The following LMTK3 variants were observed in gnomAD, a reference collection of about 807,000 sequenced individuals.
LMTK3 encodes the protein lemur tail kinase 3.
Under a neutral mutation model 116.7 loss-of-function variants are expected in LMTK3, and 27 were observed. That is an observed-to-expected ratio of 0.23 (90% confidence interval 0.17 to 0.32). The LOEUF (loss-of-function observed/expected upper bound fraction) is 0.32. Ranked by LOEUF, LMTK3 falls within the 10% of genes least tolerant of loss-of-function variation. LMTK3 has a pLI of 1.00. For missense variants in LMTK3, 1,764 were observed against 2,068.5 expected (o/e 0.85, Z 2.86); for synonymous variants, 965 against 971.0 (o/e 0.99, Z 0.11).
At chr19:48,495,482 A>C (rs1972308272) in intron 11 of LMTK3, among the ~76,000 whole-genome samples, 1 of 152,194 alleles carries the variant, frequency 6.6e-6, no homozygotes, top group Non-Finnish European at 1.5e-5. Flanking sequence ...ATCCTAATCC[A>C]ACCCAGATCC....
intron 14 of LMTK3, among the ~76,000 whole-genome samples, chr19:48,490,635 G>T (rs1482025256): frequency 6.6e-6 from 1 of 151,918 alleles, no homozygotes; most frequent in Non-Finnish European, 1.5e-5. Flanking sequence ...GGGTCCACGC[G>T]AGAGCAGCGG....
At chr19:48,513,144 C>A, upstream of LMTK3, 1 of 1,601,098 alleles carries the variant, frequency 6.2e-7, no homozygotes, top group South Asian at 1.1e-5. The surrounding 1 kb of genome is among the most constrained non-coding windows in gnomAD (Gnocchi z 5.6). Flanking sequence ...ACCCACGTTT[C>A]CCGTGCGGTT....
upstream of LMTK3, chr19:48,513,255 G>A (rs1488659189): frequency 2.5e-5 from 30 of 1,223,002 alleles, 1 homozygote; most frequent in South Asian, 2.1e-4. The surrounding 1 kb of genome is among the most constrained non-coding windows in gnomAD (Gnocchi z 5.6). Flanking sequence ...TCTGTGCCAG[G>A]TATCGTCCGC....
rs1972414229 is a variant in LMTK3, at chr19:48,499,352, G to A, written c.1717C>T (p.Pro573Ser). 1 of 1,421,044 alleles carries A rather than the reference G, an allele frequency of 7.0e-7. No individual in the cohort carries two copies. Among genetic ancestry groups the A allele is most frequent in the Non-Finnish European group, 9.3e-7 (1 of 1,080,556 alleles). 88.0% of individuals were successfully genotyped at this position (1,421,044 alleles called of 1,614,324 possible). Reference protein sequence around the residue: ...GVPAPQAPQAPSEVPQLVSET... With the variant: ...GVPAPQAPQASSEVPQLVSET... ...GACACCAGCTGGGGGACCTCGGAGG[G>A]GGCCTGGGGGGCCTGAGGGGCGGGC... Residue 573 changes from proline to serine, a missense_variant, in exon 11 of 15, where the codon CCC (proline) becomes TCC (serine). Around this residue, in one of 7 missense-constraint regions of LMTK3, gnomAD observed 1,028 missense variants for 1,050.6 expected, o/e 0.98. Coordinates refer to ENST00000600059, the MANE Select transcript of LMTK3 (RefSeq NM_001388485.1).
At chr19:48,496,989 T>A (rs1418663468) in intron 11 of LMTK3, among the ~76,000 whole-genome samples, 1 of 152,214 alleles carries the variant, frequency 6.6e-6, no homozygotes, top group Non-Finnish European at 1.5e-5. Flanking sequence ...GCATGCTTCA[T>A]CCGTTTCCCT....
At position 48,498,240 on chromosome 19, in the gene LMTK3, C is replaced by A; in HGVS notation, c.2829G>T (p.Ala943=). The A allele has an allele frequency of 6.2e-7, 1 of 1,613,524 alleles. No individual in the cohort carries two copies. The highest frequency in any genetic ancestry group is 8.5e-7 in the Non-Finnish European group (1 of 1,179,796). The change falls in exon 11 of 15, where the codon GCG becomes GCT. Residue 943 remains alanine, a synonymous_variant. Coordinates refer to ENST00000600059, the MANE Select transcript of LMTK3 (RefSeq NM_001388485.1). ...GGGACCCCAGGGCCCCATTCTCCGC[C>A]GCCTTCTCCTCGATGCCTGGGGCTC... ...DQRAPGIEEK[A]AENGALGSPE...
chr19:48,513,043 A>G (rs372584980), upstream of LMTK3: 692 of 1,010,552 alleles, frequency 6.8e-4, no homozygotes, highest in Non-Finnish European at 9.1e-4. The surrounding 1 kb of genome is among the most constrained non-coding windows in gnomAD (Gnocchi z 5.6). Flanking sequence ...CATCACATAC[A>G]TAAACACACA....
chr19:48,513,151 G>A (rs759676387), upstream of LMTK3: 21 of 1,602,476 alleles, frequency 1.3e-5, no homozygotes, highest in Non-Finnish European at 1.4e-5. The surrounding 1 kb of genome is among the most constrained non-coding windows in gnomAD (Gnocchi z 5.6). Context: ...TTTCCCGTGC[G>A]GTTACGCAGA....
upstream of LMTK3, among the ~76,000 whole-genome samples, chr19:48,512,554 A>G (rs1972679398): frequency 2.0e-5 from 3 of 152,204 alleles, no homozygotes; most frequent in Admixed American, 1.3e-4. Flanking sequence ...ACATGCACAG[A>G]CAGCAATTGC....
Position 48,503,503 on chromosome 19 carries a change from ACACCT to A in LMTK3, c.558-512_558-508del, listed in dbSNP as rs1483012280. 6.0e-5 allele frequency among the ~76,000 whole-genome samples: 9 copies of A among 149,910 alleles called. No homozygotes were observed. The East Asian group carries it at 1.6e-3, about 27-fold the overall frequency. On this transcript the variant is annotated intron_variant, in intron 5 of 14. Transcript: ENST00000600059. Reference sequence around the variant, plus strand: ...ACCCCTTTACCTCTCCTTCCTCCTTACACCTCACCTCCACCTTCATTCCTGCCCCA... The same window carrying A: ...ACCCCTTTACCTCTCCTTCCTCCTTACACCTCCACCTTCATTCCTGCCCCA...
chr19:48,502,903 C>T lies in LMTK3; in HGVS notation c.645+6G>A, dbSNP rs1381651386. ...CTGCCCTTCCCCAACCCCCCAAGAC[C>T]CTCACCAGTTGACAGAACTCCATAA... is the stretch of plus-strand genomic sequence containing the variant. On this transcript the variant is annotated splice_donor_region_variant and intron_variant, in intron 6 of 14. Transcript: ENST00000600059. 3 of 1,607,868 alleles carry T rather than the reference C, an allele frequency of 1.9e-6. No individual in the cohort carries two copies. Among genetic ancestry groups the T allele is most frequent in the Non-Finnish European group, 2.6e-6 (3 of 1,175,756 alleles).
chr19:48,486,212 A>C (rs1445587800), intron 14 of LMTK3, among the ~76,000 whole-genome samples: 3 of 149,246 alleles, frequency 2.0e-5, no homozygotes, highest in Non-Finnish European at 4.4e-5. Context: ...GGCGCCCGCC[A>C]CTACGCCCGG....
chr19:48,513,134 A>G (rs746986707), upstream of LMTK3: 9 of 1,596,938 alleles, frequency 5.6e-6, no homozygotes, highest in Middle Eastern at 4.9e-4. This position sits in a 1 kb window ranked among gnomAD's most constrained non-coding sequence, Gnocchi z 5.6. Context: ...GGTCGCAAAT[A>G]CCCACGTTTC....
chr19:48,497,478 G>A lies in LMTK3; in HGVS notation c.3591C>T (p.Pro1197=). ...GDTALSGDGD[P]PKPERKGPEM... is the part of the protein sequence containing the mutation. The stretch of plus-strand genomic sequence containing the variant: ...CGGGGCCCTTCCTCTCGGGCTTGGG[G>A]GGGTCCCCGTCTCCGCTGAGTGCCG... Residue 1197 remains proline, a synonymous_variant, in exon 11 of 15, where the codon CCC becomes CCT. Coordinates refer to ENST00000600059, the MANE Select transcript of LMTK3 (RefSeq NM_001388485.1). This position sits in a 1 kb window ranked among gnomAD's most constrained non-coding sequence, Gnocchi z 5.7. The A allele has an allele frequency of 5.3e-6, 8 of 1,502,666 alleles. No homozygotes were observed. The highest frequency in any genetic ancestry group is 7.1e-6 in the Non-Finnish European group (8 of 1,129,502). The allele number at this position is 1,502,666 out of a possible 1,614,324, so 93.1% of individuals were successfully genotyped here.
chr19:48,513,250 G>T (rs1601062319), upstream of LMTK3: 2 of 1,262,190 alleles, frequency 1.6e-6, no homozygotes, highest in Non-Finnish European at 2.3e-6. The surrounding 1 kb of genome is among the most constrained non-coding windows in gnomAD (Gnocchi z 5.6). Flanking sequence ...TTTAGTCTGT[G>T]CCAGGTATCG....
In LMTK3 at chr19:48,498,147, C is replaced by T; in HGVS notation, c.2922G>A (p.Leu974=). ...LTPPRREEKA[L]ENGELRSPEA... ...CTGGGGACCTCAGCTCCCCATTCTCCAGCGCTTTCTCCTCCCTCCTTGGGG... is the reference window on the plus strand; with the variant it reads ...CTGGGGACCTCAGCTCCCCATTCTCTAGCGCTTTCTCCTCCCTCCTTGGGG... Residue 974 remains leucine (L), a synonymous_variant, in exon 11 of 15, where the codon CTG becomes CTA. Coordinates refer to ENST00000600059, the MANE Select transcript of LMTK3 (RefSeq NM_001388485.1). 6.2e-7 allele frequency: 1 copy of T among 1,613,718 alleles called. No individual in the cohort carries two copies. The highest frequency in any genetic ancestry group is 8.5e-7 in the Non-Finnish European group (1 of 1,179,816).
At chr19:48,501,608 C>T (rs763028601) in intron 7 of LMTK3, 46 bp from the exon 8 acceptor site, 2 of 1,542,160 alleles carry the variant, frequency 1.3e-6, no homozygotes, top group Non-Finnish European at 8.7e-7. Flanking sequence ...AGCCCTCCAG[C>T]CACGCCCTGA....
chr19:48,511,615 T>TGGGGGGGGGGGGGGGG lies in LMTK3; in HGVS notation c.-40_-39insCCCCCCCCCCCCCCCC. 9.5e-6 allele frequency: 1 copy of TGGGGGGGGGGGGGGGG among 105,644 alleles called. No homozygotes were observed. Among genetic ancestry groups the TGGGGGGGGGGGGGGGG allele is most frequent in the Non-Finnish European group, 1.7e-5 (1 of 58,340 alleles). The allele number at this position is 105,644 out of a possible 1,614,324, so 6.5% of individuals were successfully genotyped here. A position where few individuals can be genotyped will look rare whatever the true frequency, so the allele number is the denominator to read the frequency against. ...GCAGGGAGGTGGAGGTGGTGGCGGC[T>TGGGGGGGGGGGGGGGG]GGGGAGGAGGGGGGGGCGGGCCCTC... is the stretch of plus-strand genomic sequence containing the variant. On this transcript the variant is annotated 5_prime_UTR_variant, in exon 1 of 15. Coordinates refer to ENST00000600059, the MANE Select transcript of LMTK3 (RefSeq NM_001388485.1).
rs576490470 is a variant in LMTK3, at chr19:48,500,680, G to A, written c.1151+316C>T. On this transcript the variant is annotated intron_variant, in intron 10 of 14. Transcript: ENST00000600059. The surrounding 1 kb of genome is among the most constrained non-coding windows in gnomAD (Gnocchi z 4.0). Reference sequence around the variant, plus strand: ...GAGGCTGACGGGACCTGGAGGCAGAGGGGACACAGCAGCAGATGGGAACGG... The same window carrying A: ...GAGGCTGACGGGACCTGGAGGCAGAAGGGACACAGCAGCAGATGGGAACGG... Among the ~76,000 whole-genome samples the A allele has an allele frequency of 2.6e-5, 4 of 152,318 alleles. No individual in the cohort carries two copies. The East Asian group carries it at 7.7e-4, about 29-fold the overall frequency.
Sources: allele counts gnomAD v4.1 joint callset (sites outside exome capture counted in the v4.1 genomes callset), GRCh38; gene constraint gnomAD v4.1.1; regional missense constraint gnomAD v4.1.1; non-coding constraint Gnocchi (gnomAD v3.1); transcripts MANE v1.5; gene names NCBI Gene and HGNC (gene_info 2026-07-23, HGNC 2026-07-21).